Variants in CUL2 observed in about 807,000 individuals in gnomAD.
CUL2 encodes cullin 2.
CUL2 carries 22 observed loss-of-function variants against 110.2 expected under a neutral mutation model. That is an observed-to-expected ratio of 0.20 (90% CI 0.14 to 0.28). CUL2 has a LOEUF of 0.28. Among genes scored for constraint, CUL2 ranks in the 10% least tolerant of loss-of-function variants. CUL2 has a pLI of 1.00. For missense variants in CUL2, 631 were observed against 905.5 expected, an observed-to-expected ratio of 0.70 and a Z score of 3.89; for synonymous variants, 279 against 293.2, an observed-to-expected ratio of 0.95 and a Z score of 0.49.
rs539389641 is a variant in CUL2, at chr10:35,061,573, C to T, written c.223-605G>A. ...TATGGTGTTAACCAAAGCTCACTAGCTTACAATAGCAGAACTTTAACATAC... is the reference window on the plus strand; with the variant it reads ...TATGGTGTTAACCAAAGCTCACTAGTTTACAATAGCAGAACTTTAACATAC... On this transcript the variant is annotated intron_variant, in intron 3 of 20. Coordinates refer to ENST00000374749, the MANE Select transcript of CUL2 (RefSeq NM_003591.4). Among the ~76,000 whole-genome samples, 115 of 152,202 alleles carry T rather than the reference C, an allele frequency of 7.6e-4. 3 individuals are homozygous for T. In the South Asian group the frequency reaches 0.023, roughly 31 times the overall value.
intron 1 of CUL2, among the ~76,000 whole-genome samples, chr10:35,071,570 A>G (rs954786173): frequency 2.2e-4 from 34 of 152,078 alleles, no homozygotes; most frequent in African/African-American, 8.0e-4. Context: ...ATGCCCAGCT[A>G]ATTTTTTGTA....
chr10:35,038,155 A>T (rs991217262), intron 9 of CUL2, among the ~76,000 whole-genome samples: 1 of 151,470 alleles, frequency 6.6e-6, no homozygotes, highest in Non-Finnish European at 1.5e-5. Flanking sequence ...ATCTCAAAAA[A>T]ATTAATTAAT....
chr10:35,063,266 A>G (rs2086429583), intron 2 of CUL2, among the ~76,000 whole-genome samples: 1 of 152,210 alleles, frequency 6.6e-6, no homozygotes, highest in African/African-American at 2.4e-5. Context: ...TTCATTCCAC[A>G]AGTATTTATT....
chr10:35,079,564 A>C (rs1042947804), intron 1 of CUL2: 3 of 152,694 alleles, frequency 2.0e-5, no homozygotes, highest in Non-Finnish European at 4.4e-5. Flanking sequence ...TTATTACACG[A>C]TATAACTATC....
intron 1 of CUL2, among the ~76,000 whole-genome samples, chr10:35,086,530 A>G (rs1462606152): frequency 4.0e-5 from 6 of 151,652 alleles, no homozygotes. Flanking sequence ...CAAGTGATCC[A>G]CCCACCTCAA....
intron 2 of CUL2, chr10:35,099,594 GTC>G (rs1470058935): frequency 6.6e-6 from 1 of 151,772 alleles, no homozygotes; most frequent in African/African-American, 2.4e-5. Flanking sequence ...GTGAAAGCCC[GTC>G]TCTACTAAAA....
intron 1 of CUL2, among the ~76,000 whole-genome samples, chr10:35,083,484 T>C (rs1269045574): frequency 6.6e-6 from 1 of 152,090 alleles, no homozygotes; most frequent in Admixed American, 6.6e-5. Context: ...CTAAATATCA[T>C]TCTCCAAAAA....
chr10:35,121,291 G>A (rs980368547), intron 1 of CUL2, among the ~76,000 whole-genome samples: 2 of 152,010 alleles, frequency 1.3e-5, no homozygotes, highest in Admixed American at 6.6e-5. Flanking sequence ...GCTGTGGCGC[G>A]ATCTCAGCTC....
chr10:35,025,319 T>TG (rs2085309386), intron 16 of CUL2, 121 bp from the exon 17 acceptor site: 10 of 1,317,584 alleles, frequency 7.6e-6, no homozygotes. Context: ...AAAGCCCATC[T>TG]GGTTTACCTC....
chr10:35,117,989 C>A (rs2087629811), intron 1 of CUL2, among the ~76,000 whole-genome samples: 1 of 152,214 alleles, frequency 6.6e-6, no homozygotes, highest in Admixed American at 6.5e-5. Context: ...TCCCTATCAA[C>A]ATCCTGCACC....
intron 1 of CUL2, among the ~76,000 whole-genome samples, chr10:35,124,525 T>G (rs1278215445): frequency 6.6e-6 from 1 of 152,142 alleles, no homozygotes; most frequent in East Asian, 1.9e-4. Flanking sequence ...CTGCCTTGCC[T>G]TCTTCTCTTG....
rs550594206 is a variant in CUL2 at position 35,031,410 on chromosome 10, G to A, written c.1300-24C>T. Reference sequence around the variant, plus strand: ...AACTACATTTAAAAATATTTTAAAAGATTACTTCCTTTCTAATGATTTAGC... The same window carrying A: ...AACTACATTTAAAAATATTTTAAAAAATTACTTCCTTTCTAATGATTTAGC... On this transcript the variant is annotated intron_variant, in intron 13 of 20. Coordinates refer to ENST00000374749, the MANE Select transcript of CUL2 (RefSeq NM_003591.4). This position sits in a 1 kb window ranked among gnomAD's most constrained non-coding sequence, Gnocchi z 4.4. The A allele has an allele frequency of 1.3e-6, 2 of 1,597,782 alleles. No homozygotes were observed. Among genetic ancestry groups the A allele is most frequent in the South Asian group, 2.3e-5 (2 of 88,460 alleles).
chr10:35,073,208 C>T (rs2086726312), intron 1 of CUL2, among the ~76,000 whole-genome samples: 1 of 152,208 alleles, frequency 6.6e-6, no homozygotes, highest in South Asian at 2.1e-4. Context: ...TGGCCTTCAA[C>T]TCATTCCCGA....
chr10:35,009,237 T>A lies in CUL2; in HGVS notation c.*1074A>T, dbSNP rs1315631015. 1.4e-5 allele frequency: 2 copies of A among 146,250 alleles called. No homozygotes were observed. Among genetic ancestry groups the A allele is most frequent in the South Asian group, 2.1e-4 (1 of 4,674 alleles). The allele number at this position is 146,250 out of a possible 1,614,324, so 9.1% of individuals were successfully genotyped here. A position where few individuals can be genotyped will look rare whatever the true frequency, so the allele number is the denominator to read the frequency against. On this transcript the variant is annotated 3_prime_UTR_variant, in exon 21 of 21. Transcript: ENST00000374749. ...TATATATATAAAATAAACAAAATAATGGGATTTATATATGTGGCACCCAGT... is the reference window on the plus strand; with the variant it reads ...TATATATATAAAATAAACAAAATAAAGGGATTTATATATGTGGCACCCAGT...
intron 16 of CUL2, among the ~76,000 whole-genome samples, chr10:35,028,324 T>C (rs187572439): frequency 6.6e-6 from 1 of 152,330 alleles, no homozygotes; most frequent in East Asian, 1.9e-4. Context: ...TCTCCTCTAT[T>C]AGTTATTACC....
At chr10:35,056,754 T>C (rs187237831) in intron 4 of CUL2, among the ~76,000 whole-genome samples, 91 of 152,386 alleles carry the variant, frequency 6.0e-4, no homozygotes, top group African/African-American at 2.2e-3. Flanking sequence ...ACCATTTACA[T>C]ATGCCTTCCA....
intron 9 of CUL2, among the ~76,000 whole-genome samples, chr10:35,036,685 T>A (rs1248166111): frequency 6.6e-6 from 1 of 152,218 alleles, no homozygotes; most frequent in Non-Finnish European, 1.5e-5. Context: ...ATATAAATCT[T>A]TAGTATTGCA....
chr10:35,012,737 C>T (rs375549018), intron 19 of CUL2, among the ~76,000 whole-genome samples: 2 of 152,154 alleles, frequency 1.3e-5, no homozygotes, highest in African/African-American at 2.4e-5. Flanking sequence ...TTGTCTCCCC[C>T]CATCGGGAAT....
intron 17 of CUL2, among the ~76,000 whole-genome samples, chr10:35,021,836 T>TGAGGC (rs1564699254): frequency 6.8e-5 from 5 of 73,264 alleles, no homozygotes; most frequent in Middle Eastern, 6.7e-3. Context: ...TGAGGCGAGG[T>TGAGGC]GAGGTGAGGT....
Sources: allele counts gnomAD v4.1 joint callset (sites outside exome capture counted in the v4.1 genomes callset), GRCh38; gene constraint gnomAD v4.1.1; non-coding constraint Gnocchi (gnomAD v3.1); transcripts MANE v1.5; gene names NCBI Gene and HGNC (gene_info 2026-07-23, HGNC 2026-07-21).